PPP1R21: variants seen among roughly 807,000 people sequenced by gnomAD.
PPP1R21 encodes KLRAQ motif containing 1.
PPP1R21 carries 85 observed loss-of-function variants against 112.8 expected under a neutral mutation model. The ratio of observed to expected loss-of-function variants is 0.75; its 90% CI spans 0.63 to 0.90. PPP1R21 has a LOEUF of 0.90. Ranked by LOEUF, PPP1R21 falls within the 40% of genes least tolerant of loss-of-function variation. The probability of loss-of-function intolerance (pLI) is 0.00; values close to 1 mark genes in which losing one functional copy is unlikely to be tolerated. For missense variants in PPP1R21, 1,199 were observed against 901.5 expected, an observed-to-expected ratio of 1.33 and a Z score of -4.23; for synonymous variants, 381 against 322.3, an observed-to-expected ratio of 1.18 and a Z score of -1.95.
intron 11 of PPP1R21, among the ~76,000 whole-genome samples, chr2:48,473,048 T>C (rs976773783): frequency 6.6e-6 from 1 of 150,536 alleles, no homozygotes; most frequent in Non-Finnish European, 1.5e-5. Context: ...TTATAAGTCC[T>C]TGTAAAACTA....
At chr2:48,495,225 A>T (rs1451743349) in intron 15 of PPP1R21, among the ~76,000 whole-genome samples, 1 of 151,502 alleles carries the variant, frequency 6.6e-6, no homozygotes, top group Non-Finnish European at 1.5e-5. Context: ...TCTTTTTGAG[A>T]CGGAGTCTCG....
At chr2:48,495,822 T>A (rs1304332304) in intron 16 of PPP1R21, 51 bp downstream of exon 16, 1 of 1,062,646 alleles carries the variant, frequency 9.4e-7, no homozygotes, top group Non-Finnish European at 1.5e-6. Flanking sequence ...AAATGTTAAA[T>A]CCCCCATAGA....
At chr2:48,488,920 A>G (rs954981161) in intron 14 of PPP1R21, among the ~76,000 whole-genome samples, 4 of 152,218 alleles carry the variant, frequency 2.6e-5, no homozygotes, top group African/African-American at 4.8e-5. Flanking sequence ...AAACCTCACA[A>G]TGTACTACCA....
chr2:48,493,677 A>C (rs964604638), intron 15 of PPP1R21, among the ~76,000 whole-genome samples: 3 of 152,196 alleles, frequency 2.0e-5, no homozygotes, highest in African/African-American at 7.2e-5. Flanking sequence ...GAAGGATCTA[A>C]ATAATTATTT....
At chr2:48,470,388 A>G (rs962420167) in intron 9 of PPP1R21, among the ~76,000 whole-genome samples, 16 of 151,988 alleles carry the variant, frequency 1.1e-4, no homozygotes, top group Admixed American at 9.8e-4. Flanking sequence ...CGTAGTGGTG[A>G]GCATCTGTAG....
chr2:48,494,411 T>TTTTATTTATTTATTTATTTA (rs150607938), intron 15 of PPP1R21, among the ~76,000 whole-genome samples: 1 of 146,784 alleles, frequency 6.8e-6, no homozygotes, highest in African/African-American at 2.5e-5. Flanking sequence ...GCCTATTTTA[T>TTTTATTTATTTATTTATTTA]TTTATTTATT....
chr2:48,467,586 A>G (rs1218961279), intron 9 of PPP1R21, among the ~76,000 whole-genome samples: 1 of 152,136 alleles, frequency 6.6e-6, no homozygotes, highest in Non-Finnish European at 1.5e-5. Context: ...TTGGCTGGGA[A>G]CCTCAGTTTC....
chr2:48,471,568 A>T (rs1340001098), intron 11 of PPP1R21: 9 of 529,920 alleles, frequency 1.7e-5, no homozygotes, highest in African/African-American at 3.8e-5. Context: ...ATAGTCTGTC[A>T]GTTACAGATT....
In PPP1R21 at chr2:48,454,653, TGACATTTC is replaced by T; in HGVS notation, c.188_195del (p.Thr63LysfsTer14). The T allele has an allele frequency of 6.2e-7, 1 of 1,613,942 alleles. No homozygotes were observed. Among genetic ancestry groups the T allele is most frequent in the Non-Finnish European group, 8.5e-7 (1 of 1,179,790 alleles). On this transcript the variant is annotated frameshift_variant, in exon 3 of 22. Coordinates refer to ENST00000294952, the MANE Select transcript of PPP1R21 (RefSeq NM_001135629.3). LOFTEE classifies it high-confidence loss of function. Reference sequence around the variant, plus strand: ...AAACTACAACAGGAAATGGACAGTTTGACATTTCGAAATCTGCAGCTTGCCAAGAGGGT... The same window carrying T: ...AAACTACAACAGGAAATGGACAGTTTGAAATCTGCAGCTTGCCAAGAGGGT...
At chr2:48,467,139 G>A (rs1350609740) in intron 9 of PPP1R21, among the ~76,000 whole-genome samples, 1 of 152,112 alleles carries the variant, frequency 6.6e-6, no homozygotes, top group East Asian at 1.9e-4. Context: ...TATGGAGTGG[G>A]AGACACACTG....
At chr2:48,477,714 CA>C (rs1437253533) in intron 12 of PPP1R21, among the ~76,000 whole-genome samples, 1 of 150,346 alleles carries the variant, frequency 6.7e-6, no homozygotes. Context: ...AGGTCCCTTG[CA>C]ATCCCGTATG....
At chr2:48,453,390 A>C (rs771818984) in intron 2 of PPP1R21, among the ~76,000 whole-genome samples, 1 of 152,024 alleles carries the variant, frequency 6.6e-6, no homozygotes, top group Admixed American at 6.5e-5. Flanking sequence ...ATGACGTCTC[A>C]CTATGTTGCT....
intron 11 of PPP1R21, among the ~76,000 whole-genome samples, chr2:48,472,678 G>A (rs1490767035): frequency 6.6e-6 from 1 of 151,988 alleles, no homozygotes; most frequent in Non-Finnish European, 1.5e-5. Flanking sequence ...GCCAGGCATG[G>A]TGGCACATGC....
chr2:48,500,178 G>T (rs1273896679), intron 17 of PPP1R21, among the ~76,000 whole-genome samples: 3 of 152,058 alleles, frequency 2.0e-5, no homozygotes, highest in African/African-American at 4.8e-5. Context: ...TCAGATGATT[G>T]TGAATTTTCC....
chr2:48,491,573 G>A (rs1299173013), intron 15 of PPP1R21, among the ~76,000 whole-genome samples: 1 of 151,970 alleles, frequency 6.6e-6, no homozygotes, highest in Non-Finnish European at 1.5e-5. Context: ...AGAAGATACT[G>A]CAGTATATTA....
At chr2:48,466,725 G>A (rs1225193636) in intron 9 of PPP1R21, among the ~76,000 whole-genome samples, 1 of 152,146 alleles carries the variant, frequency 6.6e-6, no homozygotes, top group Non-Finnish European at 1.5e-5. Context: ...CCCCAGAAGA[G>A]AATGACATGA....
chr2:48,464,974 C>G lies in PPP1R21; in HGVS notation c.732C>G (p.His244Gln). The change falls in exon 8 of 22, where the codon CAC becomes CAG. Residue 244 changes from histidine to glutamine, a missense_variant. His to Gln is a conservative substitution (Grantham distance 24, BLOSUM62 0). Transcript: ENST00000294952. ...SQYNALNVPL[H>Q]NRRHQLKMRD... ...ACAACGCTCTGAACGTTCCACTCCA[C>G]AATAGGAGACACCAGGTAAAGGATG... is the stretch of plus-strand genomic sequence containing the variant. 2 of 1,557,724 alleles carry G rather than the reference C, an allele frequency of 1.3e-6. No homozygotes were observed. The highest frequency in any genetic ancestry group is 2.4e-5 in the East Asian group (1 of 41,580).
At chr2:48,470,319 A>G (rs1668442328) in intron 9 of PPP1R21, among the ~76,000 whole-genome samples, 2 of 152,074 alleles carry the variant, frequency 1.3e-5, no homozygotes, top group Admixed American at 1.3e-4. Flanking sequence ...GGAGTTCAAG[A>G]CCAGCCTGGC....
chr2:48,489,383 C>G (rs1669453227), intron 14 of PPP1R21, among the ~76,000 whole-genome samples: 1 of 150,498 alleles, frequency 6.6e-6, no homozygotes, highest in Non-Finnish European at 1.5e-5. Context: ...CGTCTGTGGT[C>G]TCAACTACTT....
Sources: gnomAD v4.1 joint callset for allele counts (sites outside exome capture counted in the v4.1 genomes callset) on GRCh38, gnomAD v4.1.1 for gene constraint, MANE v1.5 for transcripts, NCBI Gene and HGNC (gene_info 2026-07-23, HGNC 2026-07-21) for gene names.